Variants in KCNIP3 observed in about 807,000 individuals in gnomAD.
KCNIP3 encodes the protein calsenilin.
Under a neutral mutation model 35.0 loss-of-function variants are expected in KCNIP3, and 28 were observed. The observed-to-expected ratio is 0.80, with a 90% CI of 0.59 to 1.10. The LOEUF (loss-of-function observed/expected upper bound fraction) is 1.10, where lower values mean the gene tolerates loss of function less well. KCNIP3 is among the 50% of genes least tolerant of loss of function. KCNIP3 has a pLI of 0.00. For missense variants in KCNIP3, 295 were observed against 338.4 expected (o/e 0.87, Z 1.01); for synonymous variants, 134 against 133.8 (o/e 1.00, Z -0.01).
chr2:95,333,085 T>C (rs983244565), intron 2 of KCNIP3, among the ~76,000 whole-genome samples: 1 of 152,258 alleles, frequency 6.6e-6, no homozygotes, highest in African/African-American at 2.4e-5. Context: ...GTAAAATCAC[T>C]GTAGCTCCCC....
At chr2:95,318,642 C>A (rs1468589522) in intron 2 of KCNIP3, among the ~76,000 whole-genome samples, 5 of 152,154 alleles carry the variant, frequency 3.3e-5, no homozygotes, top group Non-Finnish European at 4.4e-5. Flanking sequence ...AGGACCAAGA[C>A]CAAGTCTCGG....
In KCNIP3 at chr2:95,374,907, C is replaced by T. The variant is rs1680138006; in HGVS notation, c.366C>T (p.Phe122=). 6.2e-7 allele frequency: 1 copy of T among 1,613,986 alleles called. No individual in the cohort carries two copies. Among genetic ancestry groups the T allele is most frequent in the Non-Finnish European group, 8.5e-7 (1 of 1,179,982 alleles). ...DTFKLIYAQF[F]PQGDATTYAH... is the part of the protein sequence containing the mutation. The stretch of plus-strand genomic sequence containing the variant: ...TCAAACTCATTTACGCGCAGTTCTT[C>T]CCTCAGGGAGGTGAGTCTGAGGCAG... The change falls in exon 4 of 9, where the codon TTC becomes TTT. Residue 122 remains phenylalanine, a synonymous_variant. Coordinates refer to ENST00000295225, the MANE Select transcript of KCNIP3 (RefSeq NM_013434.5).
chr2:95,334,570 G>A (rs1679011672), intron 2 of KCNIP3, among the ~76,000 whole-genome samples: 1 of 152,170 alleles, frequency 6.6e-6, no homozygotes, highest in East Asian at 1.9e-4. Context: ...CAACATGGTG[G>A]GCCTTGTACA....
chr2:95,335,431 T>C (rs1419160563), intron 2 of KCNIP3, among the ~76,000 whole-genome samples: 1 of 152,228 alleles, frequency 6.6e-6, no homozygotes, highest in African/African-American at 2.4e-5. Flanking sequence ...GCTTCTGTGG[T>C]TTTTGTTGTG....
Position 95,345,427 on chromosome 2 carries a change from C to A in KCNIP3, c.182-28869C>A, listed in dbSNP as rs76901392. On this transcript the variant is annotated intron_variant, in intron 2 of 8. Transcript: ENST00000295225. Reference sequence around the variant, plus strand: ...GGGCCCTCGCAGCCACGCGCCGCGGCTCCCACCCCACCCAGGCAGCGAGCT... The same window carrying A: ...GGGCCCTCGCAGCCACGCGCCGCGGATCCCACCCCACCCAGGCAGCGAGCT... 1.4e-4 allele frequency among the ~76,000 whole-genome samples: 22 copies of A among 152,384 alleles called. No individual in the cohort carries two copies. The East Asian group carries it at 3.7e-3, about 25-fold the overall frequency.
intron 2 of KCNIP3, among the ~76,000 whole-genome samples, chr2:95,349,097 G>T (rs766498644): frequency 6.7e-6 from 1 of 148,658 alleles, no homozygotes. Flanking sequence ...ACCCCCCCCC[G>T]CCCCCCGTCA....
intron 2 of KCNIP3, among the ~76,000 whole-genome samples, chr2:95,330,454 C>T (rs1390725121): frequency 6.6e-6 from 1 of 152,166 alleles, no homozygotes; most frequent in Non-Finnish European, 1.5e-5. Context: ...GGTGACCAGG[C>T]GCTCCCAAGA....
intron 1 of KCNIP3, among the ~76,000 whole-genome samples, chr2:95,308,183 G>T (rs1678225579): frequency 6.6e-6 from 1 of 152,200 alleles, no homozygotes; most frequent in Admixed American, 6.5e-5. Context: ...CAGCACCCCA[G>T]GCACCCGTCC....
chr2:95,311,298 CACAT>C (rs1287403573), intron 2 of KCNIP3: 5 of 152,882 alleles, frequency 3.3e-5, no homozygotes, highest in Admixed American at 2.0e-4. Flanking sequence ...CTTGCATACT[CACAT>C]ACACACACCA....
At chr2:95,360,222 A>G (rs941493677) in intron 2 of KCNIP3, among the ~76,000 whole-genome samples, 2 of 151,638 alleles carry the variant, frequency 1.3e-5, no homozygotes, top group Non-Finnish European at 2.9e-5. Flanking sequence ...TCTGCCTTCC[A>G]TAAACATAAA....
intron 4 of KCNIP3, 70 bp from the exon 5 acceptor site, chr2:95,375,068 G>A (rs1241127223): frequency 3.9e-6 from 6 of 1,551,174 alleles, no homozygotes; most frequent in Non-Finnish European, 5.3e-6. Flanking sequence ...CTCAGCTGGG[G>A]TTGCCTGGGG....
chr2:95,316,864 A>G (rs1342965761), intron 2 of KCNIP3, among the ~76,000 whole-genome samples: 1 of 152,194 alleles, frequency 6.6e-6, no homozygotes, highest in Non-Finnish European at 1.5e-5. Context: ...GGTTGTTTTG[A>G]TGACTGAAGG....
intron 2 of KCNIP3, among the ~76,000 whole-genome samples, chr2:95,362,268 G>A (rs1406034137): frequency 1.3e-5 from 2 of 152,028 alleles, no homozygotes; most frequent in Non-Finnish European, 2.9e-5. Flanking sequence ...CACTATGCCC[G>A]GCTAATTTTG....
intron 1 of KCNIP3, among the ~76,000 whole-genome samples, chr2:95,308,728 G>C (rs549383000): frequency 5.9e-5 from 9 of 152,160 alleles, no homozygotes; most frequent in Non-Finnish European, 1.2e-4. Context: ...CTGGCTCTCT[G>C]TGCTTCCCTG....
At chr2:95,331,992 C>T (rs1018256101) in intron 2 of KCNIP3, among the ~76,000 whole-genome samples, 1 of 152,216 alleles carries the variant, frequency 6.6e-6, no homozygotes, top group Non-Finnish European at 1.5e-5. Flanking sequence ...ACGGTGTGAG[C>T]GGACTTTTCT....
At chr2:95,308,933 C>A (rs912497645) in intron 1 of KCNIP3, among the ~76,000 whole-genome samples, 6 of 152,202 alleles carry the variant, frequency 3.9e-5, no homozygotes, top group Admixed American at 2.6e-4. Flanking sequence ...CAGGACCGTG[C>A]AAAGGTAGCA....
chr2:95,362,492 AC>A (rs1679824398), intron 2 of KCNIP3, among the ~76,000 whole-genome samples: 1 of 152,140 alleles, frequency 6.6e-6, no homozygotes, highest in South Asian at 2.1e-4. Flanking sequence ...CCTCCTAAGG[AC>A]CCTATCTCCA....
intron 2 of KCNIP3, among the ~76,000 whole-genome samples, chr2:95,342,215 C>G (rs1679210888): frequency 6.6e-6 from 1 of 152,138 alleles, no homozygotes; most frequent in South Asian, 2.1e-4. Flanking sequence ...GAATTGAAAT[C>G]ACAGGCTTTG....
At chr2:95,381,502 G>T in intron 5 of KCNIP3, 94 bp from the exon 6 acceptor site, 1 of 854,838 alleles carries the variant, frequency 1.2e-6, no homozygotes, top group Non-Finnish European at 2.0e-6. Flanking sequence ...TGTGCCTGTT[G>T]GAGGCGTGAA....
Sources: gnomAD v4.1 joint callset for allele counts (sites outside exome capture counted in the v4.1 genomes callset) on GRCh38, gnomAD v4.1.1 for gene constraint, MANE v1.5 for transcripts, NCBI Gene and HGNC (gene_info 2026-07-23, HGNC 2026-07-21) for gene names.